The following ZDHHC17 variants were observed in gnomAD, a reference collection of about 807,000 sequenced individuals.
ZDHHC17 encodes the protein palmitoyltransferase ZDHHC17.
A neutral mutation model predicts 90.3 loss-of-function variants in ZDHHC17; 40 were observed. The ratio of observed to expected loss-of-function variants is 0.44; its 90% CI spans 0.34 to 0.58. The LOEUF is 0.58. ZDHHC17 is among the 20% of genes least tolerant of loss of function. The pLI is 0.01. For synonymous variants in ZDHHC17, 235 were observed against 252.4 expected, an observed-to-expected ratio of 0.93 and a Z score of 0.65; for missense variants, 614 against 780.8, an observed-to-expected ratio of 0.79 and a Z score of 2.55.
intron 1 of ZDHHC17, among the ~76,000 whole-genome samples, chr12:76,768,104 A>G (rs938221325): frequency 2.0e-5 from 3 of 152,254 alleles, no homozygotes; most frequent in Admixed American, 2.0e-4. Context: ...ATAGGCTGCC[A>G]AGCAAATTGT....
chr12:76,794,239 T>C (rs1197471621), intron 1 of ZDHHC17, among the ~76,000 whole-genome samples: 4 of 152,300 alleles, frequency 2.6e-5, no homozygotes, highest in Admixed American at 2.0e-4. Flanking sequence ...GTTGAAAATA[T>C]ATTTAATATA....
rs1169384813 is a variant in ZDHHC17, at chr12:76,764,261, A to AT, written c.25_26insT (p.Thr9IlefsTer9). The AT allele has an allele frequency of 1.2e-6, 2 of 1,606,156 alleles. No homozygotes were observed. The highest frequency in any genetic ancestry group is 1.7e-6 in the Non-Finnish European group (2 of 1,176,436). On this transcript the variant is annotated frameshift_variant, in exon 1 of 17. Transcript: ENST00000426126. LOFTEE classifies it high-confidence loss of function. ...CATGCAGCGGGAGGAGGGATTTAAC[A>AT]CCAAGATGGCGGACGGCCCGGATGA...
Position 76,769,153 on chromosome 12 carries a change from C to T in ZDHHC17, c.93+4824C>T, listed in dbSNP as rs575102594. The T allele has an allele frequency of 9.7e-4, 327 of 335,656 alleles. 8 individuals carry two copies. Among genetic ancestry groups the T allele is most frequent in the South Asian group, 5.0e-3 (235 of 46,692 alleles). 20.8% of individuals were successfully genotyped at this position (335,656 alleles called of 1,614,324 possible). Reference sequence around the variant, plus strand: ...GGCTTACTGCAACCTCAGCCTCCTGCGTTCAAGCGATTCTCCTGCATCAGC... The same window carrying T: ...GGCTTACTGCAACCTCAGCCTCCTGTGTTCAAGCGATTCTCCTGCATCAGC... On this transcript the variant is annotated intron_variant, in intron 1 of 16. Coordinates refer to ENST00000426126, the MANE Select transcript of ZDHHC17 (RefSeq NM_015336.4).
chr12:76,830,996 A>G (rs1027571360), intron 10 of ZDHHC17, among the ~76,000 whole-genome samples: 8 of 152,106 alleles, frequency 5.3e-5, no homozygotes, highest in East Asian at 1.9e-4. Flanking sequence ...AATCAAGTCT[A>G]TTTAGCTTAC....
chr12:76,843,405 A>C (rs552166326), intron 12 of ZDHHC17, among the ~76,000 whole-genome samples: 2 of 152,214 alleles, frequency 1.3e-5, no homozygotes, highest in Admixed American at 6.5e-5. Context: ...GCCTCTAAAC[A>C]AGTTCAATTT....
At chr12:76,791,337 G>A (rs1952756992) in intron 1 of ZDHHC17, among the ~76,000 whole-genome samples, 1 of 151,978 alleles carries the variant, frequency 6.6e-6, no homozygotes, top group African/African-American at 2.4e-5. Context: ...CTTATGATAT[G>A]CCTAGAATTT....
chr12:76,792,169 A>AGG (rs201703827), intron 1 of ZDHHC17, among the ~76,000 whole-genome samples: 1,676 of 152,276 alleles, frequency 0.011, 11 homozygotes, highest in Non-Finnish European at 0.017. Flanking sequence ...TATGCTATAT[A>AGG]GGCTCCACTC....
chr12:76,846,291 G>A (rs1464520269), intron 13 of ZDHHC17: 1 of 303,142 alleles, frequency 3.3e-6, no homozygotes, highest in African/African-American at 2.2e-5. Context: ...GTTTATAAAA[G>A]TAAAGATAAA....
At chr12:76,811,825 TC>T (rs1953027132) in intron 5 of ZDHHC17, among the ~76,000 whole-genome samples, 1 of 152,060 alleles carries the variant, frequency 6.6e-6, no homozygotes, top group Non-Finnish European at 1.5e-5. Flanking sequence ...AATCTGAAAA[TC>T]CGGAATGCTG....
intron 5 of ZDHHC17, among the ~76,000 whole-genome samples, chr12:76,811,273 G>GT (rs1953015729): frequency 2.0e-5 from 3 of 152,162 alleles, no homozygotes; most frequent in South Asian, 4.1e-4. Flanking sequence ...TTATTCTGCA[G>GT]TTTTTTTCTA....
chr12:76,792,952 A>C (rs150441492), intron 1 of ZDHHC17, among the ~76,000 whole-genome samples: 1 of 152,210 alleles, frequency 6.6e-6, no homozygotes, highest in African/African-American at 2.4e-5. Context: ...AGAAATCACC[A>C]ACTGACCTCT....
intron 9 of ZDHHC17, 48 bp downstream of exon 9, chr12:76,827,098 A>C (rs749413592): frequency 2.0e-6 from 3 of 1,503,676 alleles, no homozygotes; most frequent in African/African-American, 1.5e-5. Context: ...ATGAAATAAT[A>C]TAATTTGTAC....
At chr12:76,813,010 C>A (rs1953043995) in intron 5 of ZDHHC17, among the ~76,000 whole-genome samples, 1 of 152,018 alleles carries the variant, frequency 6.6e-6, no homozygotes, top group Non-Finnish European at 1.5e-5. Context: ...TAAATCCCGA[C>A]CCAAAGAGAG....
At chr12:76,831,771 T>A (rs1953304509) in intron 10 of ZDHHC17, among the ~76,000 whole-genome samples, 1 of 152,138 alleles carries the variant, frequency 6.6e-6, no homozygotes, top group Non-Finnish European at 1.5e-5. Flanking sequence ...CTCAGCCTCC[T>A]GAGAAGCTAG....
At chr12:76,795,235 TG>T (rs1952805062) in intron 1 of ZDHHC17, among the ~76,000 whole-genome samples, 3 of 151,454 alleles carry the variant, frequency 2.0e-5, no homozygotes, top group African/African-American at 7.4e-5. Flanking sequence ...TGTGTGTGTG[TG>T]TGTGTTTTGT....
chr12:76,831,663 G>T (rs1368064146), intron 10 of ZDHHC17, among the ~76,000 whole-genome samples: 1 of 151,482 alleles, frequency 6.6e-6, no homozygotes, highest in Non-Finnish European at 1.5e-5. Context: ...GGTTTTTTTT[G>T]AGACATCGTC....
chr12:76,845,695 A>T lies in ZDHHC17; in HGVS notation c.1330-14A>T. ...ATAATGCCTTTCATAATCCTTTAAC[A>T]TGCCTATTAACAGATACGAAAACCG... On this transcript the variant is annotated splice_polypyrimidine_tract_variant and intron_variant, in intron 12 of 16. Coordinates refer to ENST00000426126, the MANE Select transcript of ZDHHC17 (RefSeq NM_015336.4). 6.7e-7 allele frequency: 1 copy of T among 1,481,842 alleles called. No homozygotes were observed. The highest frequency in any genetic ancestry group is 1.2e-5 in the South Asian group (1 of 83,486). The allele number at this position is 1,481,842 out of a possible 1,614,324, so 91.8% of individuals were successfully genotyped here.
At chr12:76,826,375 A>G (rs1246527565) in intron 8 of ZDHHC17, among the ~76,000 whole-genome samples, 1 of 152,232 alleles carries the variant, frequency 6.6e-6, no homozygotes, top group Admixed American at 6.5e-5. Context: ...ATCTTTGTTC[A>G]GAGACACATC....
Position 76,809,743 on chromosome 12 carries a change from A to G in ZDHHC17, c.429A>G (p.Leu143=). ...GCCATCTATCCATGGTTGTGCAACTAATGAAATATGGTGCAGATCCTTCAT... is the reference window on the plus strand; with the variant it reads ...GCCATCTATCCATGGTTGTGCAACTGATGAAATATGGTGCAGATCCTTCAT... ...RQGHLSMVVQ[L]MKYGADPSLI... is the part of the protein sequence containing the mutation. The change falls in exon 5 of 17, where the codon CTA becomes CTG. Residue 143 remains leucine, a synonymous_variant. Coordinates refer to ENST00000426126, the MANE Select transcript of ZDHHC17 (RefSeq NM_015336.4). 2 of 1,580,624 alleles carry G rather than the reference A, an allele frequency of 1.3e-6. No homozygotes were observed. The highest frequency in any genetic ancestry group is 1.7e-6 in the Non-Finnish European group (2 of 1,165,726).
Sources: allele counts gnomAD v4.1 joint callset (sites outside exome capture counted in the v4.1 genomes callset), GRCh38; gene constraint gnomAD v4.1.1; transcripts MANE v1.5; gene names NCBI Gene and HGNC (gene_info 2026-07-23, HGNC 2026-07-21).